PLEKHM3: variants seen among roughly 807,000 people sequenced by gnomAD.
PLEKHM3 encodes pleckstrin homology domain containing M3.
PLEKHM3 carries 45 observed loss-of-function variants against 81.8 expected under a neutral mutation model. The observed-to-expected ratio is 0.55, with a 90% CI of 0.43 to 0.71. PLEKHM3 has a LOEUF of 0.71. Among genes scored for constraint, PLEKHM3 ranks in the 30% least tolerant of loss-of-function variants. The pLI is 0.00. For synonymous variants in PLEKHM3, 352 were observed against 356.4 expected (o/e 0.99, Z 0.14); for missense variants, 788 against 924.3 (o/e 0.85, Z 1.91).
At chr2:208,017,427 C>T (rs76782313) in intron 1 of PLEKHM3, among the ~76,000 whole-genome samples, 1 of 152,246 alleles carries the variant, frequency 6.6e-6, no homozygotes, top group East Asian at 1.9e-4. Flanking sequence ...TTTTAATCTA[C>T]TCAAGGTTCC....
chr2:207,829,573 G>T lies in PLEKHM3; in HGVS notation c.2109-1077C>A, dbSNP rs562532060. On this transcript the variant is annotated intron_variant, in intron 7 of 7. Coordinates refer to ENST00000427836, the MANE Select transcript of PLEKHM3 (RefSeq NM_001080475.3). ...ATTACAGGTGTGAGCCACTGCATTT[G>T]GTCTGCAAAGCTTTTAATAATGAGT... is the stretch of plus-strand genomic sequence containing the variant. Among the ~76,000 whole-genome samples, 176 of 152,262 alleles carry T rather than the reference G, an allele frequency of 1.2e-3. 2 individuals carry two copies. Among genetic ancestry groups the T allele is most frequent in the South Asian group, 4.1e-3 (20 of 4,828 alleles).
At chr2:207,943,286 C>A (rs1174528650) in intron 4 of PLEKHM3, among the ~76,000 whole-genome samples, 1 of 151,826 alleles carries the variant, frequency 6.6e-6, no homozygotes, top group Admixed American at 6.6e-5. Context: ...TTACATATAC[C>A]CCATAAACAT....
chr2:207,908,421 C>T, intron 6 of PLEKHM3, 93 bp downstream of exon 6: 1 of 1,169,684 alleles, frequency 8.5e-7, no homozygotes, highest in Non-Finnish European at 1.2e-6. Flanking sequence ...AAAACTACCC[C>T]AATGATGGCA....
chr2:207,844,266 T>C (rs745692864), intron 7 of PLEKHM3, among the ~76,000 whole-genome samples: 1 of 152,086 alleles, frequency 6.6e-6, no homozygotes, highest in Admixed American at 6.5e-5. Context: ...TATTATGCTA[T>C]TGGTTTTATA....
At chr2:207,907,328 C>T (rs545056992) in intron 6 of PLEKHM3, among the ~76,000 whole-genome samples, 2 of 152,114 alleles carry the variant, frequency 1.3e-5, no homozygotes, top group East Asian at 3.9e-4. Context: ...ATGGTGAAAC[C>T]CCATCTCTAC....
chr2:207,887,681 T>A (rs1480947777), intron 6 of PLEKHM3, among the ~76,000 whole-genome samples: 2 of 152,194 alleles, frequency 1.3e-5, no homozygotes, highest in African/African-American at 4.8e-5. Context: ...CTAAGATGGA[T>A]TAGTTGGTCC....
rs1053513886 is a variant in PLEKHM3, at chr2:207,944,376, T to G, written c.1692+1991A>C. On this transcript the variant is annotated intron_variant, in intron 4 of 7. Transcript: ENST00000427836. ...GAGACGAGATTTGGCAAAACTGTGA[T>G]GGAGACGAGAGGAGAAGACCATGAA... Among the ~76,000 whole-genome samples, 3 of 152,170 alleles carry G rather than the reference T, an allele frequency of 2.0e-5. No individual in the cohort carries two copies. In the East Asian group the frequency reaches 5.8e-4, roughly 29 times the overall value.
chr2:207,897,833 T>C (rs1249073411), intron 6 of PLEKHM3, among the ~76,000 whole-genome samples: 1 of 152,244 alleles, frequency 6.6e-6, no homozygotes, highest in Non-Finnish European at 1.5e-5. Flanking sequence ...TGAGGGAGTC[T>C]GGTGATACCT....
At chr2:207,830,701 T>A (rs2092282179) in intron 7 of PLEKHM3, among the ~76,000 whole-genome samples, 1 of 83,558 alleles carries the variant, frequency 1.2e-5, no homozygotes, top group Admixed American at 1.2e-4. Flanking sequence ...CTTCTAAGTG[T>A]CCTTAGAAGT....
At position 208,001,800 on chromosome 2, in the gene PLEKHM3, A is replaced by C; in HGVS notation, c.-161T>G. On this transcript the variant is annotated 5_prime_UTR_variant, in exon 2 of 8. Coordinates refer to ENST00000427836, the MANE Select transcript of PLEKHM3 (RefSeq NM_001080475.3). ...GAGCAGGCCAAACCCAAAGTGGTTG[A>C]TGTTTTCCTGGTAATTAAAAGCATT... The C allele has an allele frequency of 8.3e-7, 1 of 1,198,272 alleles. No homozygotes were observed. Among genetic ancestry groups the C allele is most frequent in the Non-Finnish European group, 1.1e-6 (1 of 873,408 alleles). 74.2% of individuals were successfully genotyped at this position (1,198,272 alleles called of 1,614,324 possible).
At chr2:207,995,293 T>TA (rs1017729740) in intron 2 of PLEKHM3, among the ~76,000 whole-genome samples, 118 of 152,360 alleles carry the variant, frequency 7.7e-4, no homozygotes, top group African/African-American at 2.8e-3. Flanking sequence ...GAACCCATGA[T>TA]AGAGTTACAA....
chr2:207,994,443 G>A (rs1053653196), intron 2 of PLEKHM3, among the ~76,000 whole-genome samples: 8 of 152,092 alleles, frequency 5.3e-5, no homozygotes, highest in Admixed American at 3.9e-4. Flanking sequence ...CAGTAGTGAA[G>A]AGCATGTCTT....
rs1279622341 is a variant in PLEKHM3, at chr2:207,977,137, C to G, written c.1060G>C (p.Asp354His). ...ATGTTTTGGTACTGTTTGGAGCTGT[C>G]CAGGACAGGGGACGGTGGCAGCAGC... is the stretch of plus-strand genomic sequence containing the variant. ...SGLLPPSPVL[D>H]SSKQYQNILK... Residue 354 changes from aspartate to histidine, a missense_variant, in exon 3 of 8, where the codon GAC becomes CAC. Transcript: ENST00000427836. 5.9e-5 allele frequency: 95 copies of G among 1,614,052 alleles called. No individual in the cohort carries two copies. The highest frequency in any genetic ancestry group is 7.9e-5 in the Non-Finnish European group (93 of 1,180,040).
chr2:208,019,659 A>T (rs1693057195), intron 1 of PLEKHM3: 1 of 152,164 alleles, frequency 6.6e-6, no homozygotes, highest in Non-Finnish European at 1.5e-5. Flanking sequence ...GCTCTTCACA[A>T]ATTTGCATGT....
intron 1 of PLEKHM3, among the ~76,000 whole-genome samples, chr2:208,014,461 T>C (rs1692807748): frequency 1.3e-5 from 2 of 152,126 alleles, no homozygotes; most frequent in African/African-American, 2.4e-5. Flanking sequence ...CTGGCCAACA[T>C]GGTGAAACCC....
intron 6 of PLEKHM3, among the ~76,000 whole-genome samples, chr2:207,879,753 G>A (rs979619331): frequency 2.0e-5 from 3 of 152,206 alleles, no homozygotes; most frequent in Admixed American, 6.5e-5. Context: ...AGAGGACAAC[G>A]GAGGGTGGAT....
chr2:207,838,061 C>T (rs900217433), intron 7 of PLEKHM3, among the ~76,000 whole-genome samples: 1 of 151,626 alleles, frequency 6.6e-6, no homozygotes, highest in African/African-American at 2.4e-5. Context: ...CGTGAGCCAC[C>T]GCGCCCGGCC....
Position 207,908,724 on chromosome 2 carries a change from T to C in PLEKHM3, c.1887-147A>G, listed in dbSNP as rs1254003737. The C allele has an allele frequency of 7.9e-6, 5 of 633,566 alleles. No homozygotes were observed. In the Admixed American group the frequency reaches 1.1e-4, roughly 14 times the overall value. 39.2% of individuals were successfully genotyped at this position (633,566 alleles called of 1,614,324 possible). On this transcript the variant is annotated intron_variant, in intron 5 of 7. Transcript: ENST00000427836. The stretch of plus-strand genomic sequence containing the variant: ...TCTCCTAAGCCCTCTGAGGAACCTG[T>C]AATATCTTTTTCTCAGATATTTTTC...
chr2:207,878,692 A>G (rs890133379), intron 6 of PLEKHM3, among the ~76,000 whole-genome samples: 8 of 152,290 alleles, frequency 5.3e-5, no homozygotes, highest in Admixed American at 6.5e-5. Flanking sequence ...TTCATAGGGG[A>G]TAAAACTGAG....
Sources: gnomAD v4.1 joint callset for allele counts (sites outside exome capture counted in the v4.1 genomes callset) on GRCh38, gnomAD v4.1.1 for gene constraint, MANE v1.5 for transcripts, NCBI Gene and HGNC (gene_info 2026-07-23, HGNC 2026-07-21) for gene names.